Variants in ELMOD1 observed in about 807,000 individuals in gnomAD.
ELMOD1 encodes ELMO domain containing 1.
A neutral mutation model predicts 46.7 loss-of-function variants in ELMOD1; 21 were observed. The observed-to-expected ratio is 0.45, with a 90% confidence interval of 0.32 to 0.65. The LOEUF (loss-of-function observed/expected upper bound fraction) is 0.65. ELMOD1 is among the 30% of genes least tolerant of loss of function. The pLI is 0.04. For synonymous variants in ELMOD1, 122 were observed against 138.2 expected, an observed-to-expected ratio of 0.88 and a Z score of 0.82; for missense variants, 348 against 407.8, an observed-to-expected ratio of 0.85 and a Z score of 1.26.
At chr11:107,597,639 T>G (rs931199129) in intron 1 of ELMOD1, among the ~76,000 whole-genome samples, 6 of 152,208 alleles carry the variant, frequency 3.9e-5, no homozygotes, top group Non-Finnish European at 8.8e-5. Context: ...CAATGTCTAA[T>G]TCAGCTTAGT....
chr11:107,608,832 C>T lies in ELMOD1; in HGVS notation c.-85-9273C>T, dbSNP rs565629207. Among the ~76,000 whole-genome samples, 134 of 152,242 alleles carry T rather than the reference C, an allele frequency of 8.8e-4. 3 individuals carry two copies. Among genetic ancestry groups the T allele is most frequent in the South Asian group, 1.0e-3 (5 of 4,814 alleles). ...CCAGAGGAACACTGTTATTCAGATGCGTATGTACATCCTGGCTTTGATTAT... is the reference window on the plus strand; with the variant it reads ...CCAGAGGAACACTGTTATTCAGATGTGTATGTACATCCTGGCTTTGATTAT... On this transcript the variant is annotated intron_variant, in intron 1 of 11. Transcript: ENST00000265840.
intron 1 of ELMOD1, among the ~76,000 whole-genome samples, chr11:107,617,521 A>G (rs1289037833): frequency 6.6e-6 from 1 of 152,224 alleles, no homozygotes; most frequent in Non-Finnish European, 1.5e-5. Context: ...AGCAAATCAT[A>G]AACCAAAAAG....
chr11:107,656,797 A>C (rs1208107178), intron 11 of ELMOD1, among the ~76,000 whole-genome samples: 1 of 152,204 alleles, frequency 6.6e-6, no homozygotes, highest in Non-Finnish European at 1.5e-5. Flanking sequence ...AGCCTGAGTT[A>C]ATTCTCAGAT....
At chr11:107,624,107 A>G (rs903448968) in intron 2 of ELMOD1, among the ~76,000 whole-genome samples, 2 of 152,182 alleles carry the variant, frequency 1.3e-5, no homozygotes, top group Non-Finnish European at 1.5e-5. Flanking sequence ...TATCCCCTAT[A>G]GAATATTTTG....
chr11:107,618,109 C>A lies in ELMOD1; in HGVS notation c.-81C>A. 6.9e-7 allele frequency: 1 copy of A among 1,446,772 alleles called. No individual in the cohort carries two copies. The highest frequency in any genetic ancestry group is 9.5e-7 in the Non-Finnish European group (1 of 1,051,638). 89.6% of individuals were successfully genotyped at this position (1,446,772 alleles called of 1,614,324 possible). The stretch of plus-strand genomic sequence containing the variant: ...ATATCTAATTTCTTCCCACAGTTGA[C>A]ACTTACTTTGACAAAGGCAAATTTG... On this transcript the variant is annotated 5_prime_UTR_variant, in exon 2 of 12. Transcript: ENST00000265840.
chr11:107,644,142 G>A (rs994782324), intron 6 of ELMOD1, among the ~76,000 whole-genome samples: 2 of 151,496 alleles, frequency 1.3e-5, no homozygotes, highest in Admixed American at 6.6e-5. Context: ...TAAAAAATAC[G>A]AAAATGAGCT....
intron 11 of ELMOD1, among the ~76,000 whole-genome samples, chr11:107,663,579 A>G (rs1866783305): frequency 6.6e-6 from 1 of 152,200 alleles, no homozygotes; most frequent in South Asian, 2.1e-4. Flanking sequence ...AACAAATATA[A>G]GCATGCTTAA....
chr11:107,663,217 T>C (rs1866774738), intron 11 of ELMOD1, among the ~76,000 whole-genome samples: 1 of 152,162 alleles, frequency 6.6e-6, no homozygotes, highest in African/African-American at 2.4e-5. Flanking sequence ...CAGGTTCCCA[T>C]GACAGTGATA....
chr11:107,634,221 A>G (rs1343666739), intron 5 of ELMOD1, among the ~76,000 whole-genome samples: 3 of 152,208 alleles, frequency 2.0e-5, no homozygotes, highest in Non-Finnish European at 4.4e-5. Context: ...ACATGACTCT[A>G]AAGAATTTAG....
Position 107,665,110 on chromosome 11 carries a change from C to A in ELMOD1, c.918C>A (p.Phe306Leu). 6.2e-7 allele frequency: 1 copy of A among 1,613,952 alleles called. No individual in the cohort carries two copies. The highest frequency in any genetic ancestry group is 8.5e-7 in the Non-Finnish European group (1 of 1,179,868). The change falls in exon 12 of 12, where the codon TTC becomes TTA. Residue 306 changes from phenylalanine to leucine, a missense_variant. Transcript: ENST00000265840. ...IMEFNRVREKFRKRIIKQLQN... is the reference protein window; with the variant it reads ...IMEFNRVREKLRKRIIKQLQN... ...AATTTAATCGTGTGAGGGAGAAATT[C>A]CGCAAGAGGATCATCAAACAGCTGC...
At chr11:107,654,731 T>C (rs2135713207) in intron 10 of ELMOD1, among the ~76,000 whole-genome samples, 1 of 140,388 alleles carries the variant, frequency 7.1e-6, no homozygotes, top group Non-Finnish European at 1.5e-5. Context: ...ATGGCGCCAC[T>C]GCACTCCAGC....
At chr11:107,606,873 CTT>C (rs935322555) in intron 1 of ELMOD1, among the ~76,000 whole-genome samples, 1 of 151,754 alleles carries the variant, frequency 6.6e-6, no homozygotes, top group African/African-American at 2.4e-5. Flanking sequence ...CCTTTTTCTA[CTT>C]TTTCAGTTGC....
chr11:107,663,092 AG>A (rs1196221472), intron 11 of ELMOD1, among the ~76,000 whole-genome samples: 2 of 152,094 alleles, frequency 1.3e-5, no homozygotes, highest in Non-Finnish European at 2.9e-5. Flanking sequence ...TTGTCACCAG[AG>A]AAGTTCAAGC....
intron 1 of ELMOD1, among the ~76,000 whole-genome samples, chr11:107,602,660 C>T (rs1461661047): frequency 6.6e-6 from 1 of 150,576 alleles, no homozygotes; most frequent in Non-Finnish European, 1.5e-5. Context: ...TTTCTTTTAT[C>T]TATGAAAATT....
chr11:107,660,136 C>T (rs1046848333), intron 11 of ELMOD1, among the ~76,000 whole-genome samples: 1 of 152,080 alleles, frequency 6.6e-6, no homozygotes, highest in African/African-American at 2.4e-5. Flanking sequence ...CAGTTCTGCA[C>T]GTCTCCTGTG....
intron 2 of ELMOD1, among the ~76,000 whole-genome samples, chr11:107,626,049 T>C (rs1866035376): frequency 6.6e-6 from 1 of 152,244 alleles, no homozygotes. Context: ...TTTCTCCATC[T>C]AGTCTTGAGG....
rs1866826938 is a variant in ELMOD1 at position 107,665,500 on chromosome 11, A to G, written c.*303A>G. ...TTTTTCCTCTCCCTCATAATTCAGC[A>G]TTAAAGAATTGTATTTCTCTAGCTG... On this transcript the variant is annotated 3_prime_UTR_variant, in exon 12 of 12. Coordinates refer to ENST00000265840, the MANE Select transcript of ELMOD1 (RefSeq NM_018712.4). 4.0e-6 allele frequency: 1 copy of G among 252,466 alleles called. No individual in the cohort carries two copies. Among genetic ancestry groups the G allele is most frequent in the Non-Finnish European group, 7.5e-6 (1 of 132,476 alleles). 15.6% of individuals were successfully genotyped at this position (252,466 alleles called of 1,614,324 possible).
chr11:107,608,023 AAAAAAAAAAAG>A (rs1203065160), intron 1 of ELMOD1, among the ~76,000 whole-genome samples: 54 of 150,020 alleles, frequency 3.6e-4, no homozygotes, highest in South Asian at 1.0e-3. Context: ...AGTGCTAAAA[AAAAAAAAAAAG>A]AAAAAAAAAA....
intron 2 of ELMOD1, 64 bp from the exon 3 acceptor site, chr11:107,630,353 G>C: frequency 1.4e-6 from 2 of 1,440,386 alleles, no homozygotes; most frequent in Non-Finnish European, 1.9e-6. Flanking sequence ...TCTTGCTGGT[G>C]GTGGCTGCTT....
Sources: gnomAD v4.1 joint callset for allele counts (sites outside exome capture counted in the v4.1 genomes callset) on GRCh38, gnomAD v4.1.1 for gene constraint, MANE v1.5 for transcripts, NCBI Gene and HGNC (gene_info 2026-07-23, HGNC 2026-07-21) for gene names.